Variants in CDKL3 observed in about 807,000 individuals in gnomAD.
CDKL3 encodes cyclin-dependent kinase-like 3.
CDKL3 carries 65 observed loss-of-function variants against 69.3 expected under a neutral mutation model. That is an observed-to-expected ratio of 0.94 (90% CI 0.77 to 1.15). The LOEUF is 1.15. CDKL3 is among the 50% of genes most tolerant of loss of function. The pLI, the probability that CDKL3 is intolerant of heterozygous loss-of-function variation, is 0.00. For missense variants in CDKL3, 652 were observed against 689.2 expected, an observed-to-expected ratio of 0.95 and a Z score of 0.61; for synonymous variants, 202 against 221.6, an observed-to-expected ratio of 0.91 and a Z score of 0.79.
chr5:134,338,876 G>A (rs150199601), intron 4 of CDKL3, among the ~76,000 whole-genome samples: 8 of 151,760 alleles, frequency 5.3e-5, no homozygotes, highest in East Asian at 1.9e-4. Flanking sequence ...AAATGGGGTC[G>A]GGCACGGTGG....
intron 4 of CDKL3, among the ~76,000 whole-genome samples, chr5:134,346,684 C>T (rs1008747414): frequency 3.9e-5 from 6 of 151,938 alleles, no homozygotes; most frequent in East Asian, 3.9e-4. Flanking sequence ...TTAGTAGAGA[C>T]GGGGTTTCTC....
Position 134,298,567 on chromosome 5 carries a change from A to G in CDKL3, c.*84T>C. On this transcript the variant is annotated 3_prime_UTR_variant, in exon 13 of 13. Transcript: ENST00000265334. ...CACATGGATGGCTGTCTTAACAACA[A>G]CTCACATCACACTTCTATTGTAGAT... The G allele has an allele frequency of 1.3e-6, 2 of 1,542,968 alleles. No individual in the cohort carries two copies.
intron 2 of CDKL3, among the ~76,000 whole-genome samples, chr5:134,360,496 T>A (rs1196215578): frequency 2.0e-5 from 3 of 152,188 alleles, no homozygotes; most frequent in Admixed American, 1.3e-4. Context: ...TGCACCATCA[T>A]GCCCAGCCTA....
chr5:134,316,593 T>C (rs1477809060), intron 6 of CDKL3, among the ~76,000 whole-genome samples: 1 of 142,970 alleles, frequency 7.0e-6, no homozygotes, highest in Non-Finnish European at 1.5e-5. Context: ...CGAGACTCCA[T>C]CTCAAAAAAA....
At chr5:134,364,992 T>C (rs1757069202) in intron 2 of CDKL3, among the ~76,000 whole-genome samples, 1 of 149,640 alleles carries the variant, frequency 6.7e-6, no homozygotes, top group African/African-American at 2.5e-5. Context: ...TTTTTTTTCC[T>C]TTTCTTTTGA....
chr5:134,370,635 A>G (rs36087117), upstream of CDKL3, among the ~76,000 whole-genome samples: 162 of 152,358 alleles, frequency 1.1e-3, 2 homozygotes, highest in East Asian at 0.019. Flanking sequence ...GAAAAACTGC[A>G]TAATACACCA....
intron 2 of CDKL3, among the ~76,000 whole-genome samples, chr5:134,365,700 C>T (rs1395690866): frequency 6.6e-6 from 1 of 152,150 alleles, no homozygotes; most frequent in African/African-American, 2.4e-5. Context: ...AATCTACCTC[C>T]AATTTACTGT....
rs369445305 is a variant in CDKL3, at chr5:134,324,154, A to C, written c.540-2251T>G. Among the ~76,000 whole-genome samples the C allele has an allele frequency of 1.3e-3, 200 of 152,328 alleles. 3 individuals are homozygous for C. In the South Asian group the frequency reaches 0.04, roughly 30 times the overall value. On this transcript the variant is annotated intron_variant, in intron 4 of 12. Transcript: ENST00000265334. Reference sequence around the variant, plus strand: ...TTAAAACAACGAGATACCACTACACACCTATTAGAATGCCTAAAATCCAAA... The same window carrying C: ...TTAAAACAACGAGATACCACTACACCCCTATTAGAATGCCTAAAATCCAAA...
intron 9 of CDKL3, 62 bp from the exon 10 acceptor site, chr5:134,306,764 T>TTTTTTTTTTTG (rs1767980852): frequency 9.6e-7 from 1 of 1,043,232 alleles, no homozygotes; most frequent in Non-Finnish European, 1.4e-6. Flanking sequence ...TTTTTTTTTT[T>TTTTTTTTTTTG]TTTTTTTTTT....
At chr5:134,352,172 A>G (rs1330100581) in intron 3 of CDKL3, among the ~76,000 whole-genome samples, 1 of 152,184 alleles carries the variant, frequency 6.6e-6, no homozygotes, top group Non-Finnish European at 1.5e-5. Context: ...TTCACTTACC[A>G]TAACGTCCTC....
chr5:134,359,416 T>G (rs1418408527), intron 3 of CDKL3, among the ~76,000 whole-genome samples: 1 of 152,192 alleles, frequency 6.6e-6, no homozygotes. Flanking sequence ...TGATTTTTCA[T>G]AGGTTAAATG....
intron 4 of CDKL3, among the ~76,000 whole-genome samples, chr5:134,341,946 G>A (rs145234302): frequency 8.9e-4 from 136 of 152,280 alleles, no homozygotes; most frequent in African/African-American, 3.0e-3. Context: ...AGTCTGCTGC[G>A]GGCCAGATTT....
Position 134,329,201 on chromosome 5 carries a change from G to C in CDKL3, c.540-7298C>G, listed in dbSNP as rs555678643. Among the ~76,000 whole-genome samples the C allele has an allele frequency of 4.9e-4, 75 of 152,208 alleles. 1 individual carries two copies. Among genetic ancestry groups the C allele is most frequent in the African/African-American group, 1.6e-3 (65 of 41,532 alleles). On this transcript the variant is annotated intron_variant, in intron 4 of 12. Transcript: ENST00000265334. ...ACAAAAAAATAAATTAGGTGGGTGT[G>C]GTGGCACATGCCTGTAGTCCCAACT...
At chr5:134,329,002 T>A (rs1299611459) in intron 4 of CDKL3, among the ~76,000 whole-genome samples, 1 of 152,128 alleles carries the variant, frequency 6.6e-6, no homozygotes, top group Non-Finnish European at 1.5e-5. Context: ...AAATACTGAA[T>A]GAAGTTCTTA....
Position 134,299,600 on chromosome 5 carries a change from T to C in CDKL3, c.1720-890A>G. 2.2e-6 allele frequency: 3 copies of C among 1,385,610 alleles called. No individual in the cohort carries two copies. The South Asian group carries it at 4.5e-5, about 21-fold the overall frequency. 85.8% of individuals were successfully genotyped at this position (1,385,610 alleles called of 1,614,324 possible). ...TTTACGATATACCTGTAAAATTATC[T>C]AGTTAGCATTTTTGTGTATGTAACA... On this transcript the variant is annotated intron_variant, in intron 12 of 12. Transcript: ENST00000265334.
chr5:134,334,023 C>G (rs1776450094), intron 4 of CDKL3, among the ~76,000 whole-genome samples: 1 of 152,126 alleles, frequency 6.6e-6, no homozygotes, highest in African/African-American at 2.4e-5. Context: ...TCAACATCTT[C>G]CTGGTTTAGT....
rs2149610349 is a variant in CDKL3, at chr5:134,352,904, T to C, written c.361-2477A>G. Reference sequence around the variant, plus strand: ...CTCTTCTCTCTATTGTTTCCTTGGATATGCAGAAGTTTTTTTGTTTAATGT... The same window carrying C: ...CTCTTCTCTCTATTGTTTCCTTGGACATGCAGAAGTTTTTTTGTTTAATGT... On this transcript the variant is annotated intron_variant, in intron 3 of 12. Coordinates refer to ENST00000265334, the MANE Select transcript of CDKL3 (RefSeq NM_001113575.2). Among the ~76,000 whole-genome samples the C allele has an allele frequency of 1.3e-5, 2 of 152,330 alleles. 1 individual carries two copies. Among genetic ancestry groups the C allele is most frequent in the South Asian group, 4.1e-4 (2 of 4,826 alleles).
At chr5:134,334,878 C>G (rs1776681015) in intron 4 of CDKL3, among the ~76,000 whole-genome samples, 1 of 152,138 alleles carries the variant, frequency 6.6e-6, no homozygotes, top group Non-Finnish European at 1.5e-5. Context: ...TGTTAATTTT[C>G]TGTCTTGTTG....
intron 4 of CDKL3, among the ~76,000 whole-genome samples, chr5:134,342,983 T>C (rs763577061): frequency 1.3e-5 from 2 of 152,174 alleles, no homozygotes; most frequent in Admixed American, 6.5e-5. Context: ...GGCAGGCAGA[T>C]TGCTTGAGCC....
Sources: gnomAD v4.1 joint callset for allele counts (sites outside exome capture counted in the v4.1 genomes callset) on GRCh38, gnomAD v4.1.1 for gene constraint, MANE v1.5 for transcripts, NCBI Gene and HGNC (gene_info 2026-07-23, HGNC 2026-07-21) for gene names.